Variants in ADAR observed in about 807,000 individuals in gnomAD.
ADAR encodes double-stranded RNA-specific adenosine deaminase.
A neutral mutation model predicts 113.2 loss-of-function variants in ADAR; 41 were observed. The ratio of observed to expected loss-of-function variants is 0.36; its 90% CI spans 0.28 to 0.47. The LOEUF is 0.47. Among genes scored for constraint, ADAR ranks in the 20% least tolerant of loss-of-function variants. ADAR has a pLI of 1.00. For synonymous variants in ADAR, 605 were observed against 572.6 expected, an observed-to-expected ratio of 1.06 and a Z score of -0.81; for missense variants, 1,242 against 1,540.9, an observed-to-expected ratio of 0.81 and a Z score of 3.25.
Position 154,598,431 on chromosome 1 carries a change from GGGATGATTC to G in ADAR, c.1747_1755del (p.Glu583_Ser585del). The G allele has an allele frequency of 6.2e-7, 1 of 1,614,166 alleles. No individual in the cohort carries two copies. Among genetic ancestry groups the G allele is most frequent in the Non-Finnish European group, 8.5e-7 (1 of 1,180,020 alleles). On this transcript the variant is annotated inframe_deletion, in exon 3 of 15. Coordinates refer to ENST00000368474, the MANE Select transcript of ADAR (RefSeq NM_001111.5). ...TCTGATTCTTTCTCTGTGGAATAGTGGGATGATTCTTCTGATTTTCCACTGTCCTTGGCT... is the reference window on the plus strand; with the variant it reads ...TCTGATTCTTTCTCTGTGGAATAGTGTTCTGATTTTCCACTGTCCTTGGCT...
Position 154,601,128 on chromosome 1 carries a change from A to C in ADAR, c.1514T>G (p.Ile505Ser). 6.2e-7 allele frequency: 1 copy of C among 1,614,148 alleles called. No individual in the cohort carries two copies. The highest frequency in any genetic ancestry group is 8.5e-7 in the Non-Finnish European group (1 of 1,180,040). Reference sequence around the variant, plus strand: ...CTGGGCATATTCTAACAGCCCGCTGATGGGGTTCTTCAGCTGGCACTCTGT... The same window carrying C: ...CTGGGCATATTCTAACAGCCCGCTGCTGGGGTTCTTCAGCTGGCACTCTGT... ...KLTECQLKNP[I>S]SGLLEYAQFA... The change falls in exon 2 of 15, where the codon ATC (isoleucine) becomes AGC (serine). Residue 505 changes from isoleucine to serine, a missense_variant. This residue lies in a region of ADAR where 780 missense variants were observed against 1,057.9 expected (regional missense o/e 0.74). Transcript: ENST00000368474. The surrounding 1 kb of genome is among the most constrained non-coding windows in gnomAD (Gnocchi z 4.7).
At chr1:154,588,092 TGAGGA>T in intron 11 of ADAR, 28 bp downstream of exon 11, 1 of 1,612,396 alleles carries the variant, frequency 6.2e-7, no homozygotes, top group Non-Finnish European at 8.5e-7. Context: ...CAGAGCCTTT[TGAGGA>T]AAGGAGGCGG....
At position 154,607,998 on chromosome 1, in the gene ADAR, CG is replaced by C; in HGVS notation, c.8del (p.Pro3ArgfsTer42). 1 of 1,607,226 alleles carries C rather than the reference CG, an allele frequency of 6.2e-7. No individual in the cohort carries two copies. The highest frequency in any genetic ancestry group is 1.7e-5 in the Admixed American group (1 of 59,422). ...CAAGGCCGGCCCGGCTTACCTGCCGCGGATTCATTGCGCCCGCGAGGCATTG... is the reference window on the plus strand; with the variant it reads ...CAAGGCCGGCCCGGCTTACCTGCCGCGATTCATTGCGCCCGCGAGGCATTG... Reference protein sequence around the residue: MNPRQGYSLSGYY... With the variant: MNXRQGYSLSGYY... On this transcript the variant is annotated frameshift_variant, in exon 1 of 15. Coordinates refer to ENST00000368474, the MANE Select transcript of ADAR (RefSeq NM_001111.5). LOFTEE classifies it high-confidence loss of function.
chr1:154,613,904 CAAA>C (rs1553216901), intron 1 of ADAR, among the ~76,000 whole-genome samples: 5 of 124,262 alleles, frequency 4.0e-5, no homozygotes, highest in Middle Eastern at 3.8e-3. Flanking sequence ...AACTCCATCT[CAAA>C]AAAAAAAAAA....
At chr1:154,585,717 GA>G in intron 13 of ADAR, 35 bp downstream of exon 13, 1 of 1,555,176 alleles carries the variant, frequency 6.4e-7, no homozygotes, top group South Asian at 1.1e-5. Flanking sequence ...TGAAAAGGAG[GA>G]AAATGTCAGG....
In ADAR at chr1:154,584,035, A is replaced by G. The variant is rs1303131653; in HGVS notation, c.*771T>C. The G allele has an allele frequency of 6.6e-6, 1 of 152,024 alleles. No homozygotes were observed. 9.4% of individuals were successfully genotyped at this position (152,024 alleles called of 1,614,324 possible). A position where few individuals can be genotyped will look rare whatever the true frequency, so the allele number is the denominator to read the frequency against. ...GGTCTGTGTCATCCTGCCGGGTGAA[A>G]CCTCTGCTATTGCTTGAGCAGCTCC... On this transcript the variant is annotated 3_prime_UTR_variant, in exon 15 of 15. Transcript: ENST00000368474.
intron 1 of ADAR, 133 bp from the exon 2 acceptor site, chr1:154,602,759 T>G: frequency 8.9e-7 from 1 of 1,129,354 alleles, no homozygotes; most frequent in Non-Finnish European, 1.2e-6. Flanking sequence ...GGCTTATGAC[T>G]TGGCTAGGGT....
intron 14 of ADAR, 39 bp from the exon 15 acceptor site, chr1:154,585,082 G>C: frequency 6.2e-7 from 1 of 1,611,932 alleles, no homozygotes; most frequent in Non-Finnish European, 8.5e-7. Flanking sequence ...CCTGGGACCT[G>C]TAAGATAAGG....
Position 154,597,920 on chromosome 1 carries a change from G to C in ADAR, c.1842C>G (p.Ser614Arg), listed in dbSNP as rs1697610483. ...PSATSFFSGK[S>R]PVTTLLECMH... ...TACACTCAAGCAGTGTGGTGACGGG[G>C]CTCTTCCCAGAAAAGAAGGATGTGG... The change falls in exon 4 of 15, where the codon AGC (serine) becomes AGG (arginine). Residue 614 changes from serine (S) to arginine (R), a missense_variant. By Grantham distance (110) the Ser-to-Arg change is moderately radical. Transcript: ENST00000368474. 6.2e-7 allele frequency: 1 copy of C among 1,614,038 alleles called. No individual in the cohort carries two copies. The highest frequency in any genetic ancestry group is 1.3e-5 in the African/African-American group (1 of 74,918).
Position 154,608,010 on chromosome 1 carries a change from G to A in ADAR, c.-4C>T. On this transcript the variant is annotated 5_prime_UTR_variant, in exon 1 of 15. Transcript: ENST00000368474. ...GGCTTACCTGCCGCGGATTCATTGC[G>A]CCCGCGAGGCATTGCCCGGCCCGAC... The A allele has an allele frequency of 6.2e-7, 1 of 1,600,122 alleles. No homozygotes were observed. Among genetic ancestry groups the A allele is most frequent in the Non-Finnish European group, 8.5e-7 (1 of 1,173,448 alleles).
intron 6 of ADAR, among the ~76,000 whole-genome samples, chr1:154,593,374 C>T (rs1407056711): frequency 6.6e-6 from 1 of 152,216 alleles, no homozygotes; most frequent in East Asian, 1.9e-4. Flanking sequence ...CCCCACAGCA[C>T]TCTGCATTCA....
At chr1:154,613,695 G>A (rs1053937631) in intron 1 of ADAR, among the ~76,000 whole-genome samples, 3 of 151,958 alleles carry the variant, frequency 2.0e-5, no homozygotes, top group African/African-American at 2.4e-5. Context: ...ACCTGAGGTC[G>A]GGAGTTCGAG....
At chr1:154,611,713 A>G (rs1452368612), upstream of ADAR, among the ~76,000 whole-genome samples, 1 of 152,184 alleles carries the variant, frequency 6.6e-6, no homozygotes, top group Non-Finnish European at 1.5e-5. Flanking sequence ...AGCTCTTCCT[A>G]TAAAGAATGG....
At chr1:154,605,820 G>C (rs1052381829) in intron 1 of ADAR, among the ~76,000 whole-genome samples, 2 of 151,978 alleles carry the variant, frequency 1.3e-5, no homozygotes, top group Non-Finnish European at 2.9e-5. Context: ...GGGACTTAGG[G>C]GTTCTCCTAT....
intron 10 of ADAR, 142 bp from the exon 11 acceptor site, chr1:154,588,400 T>G (rs1696905522): frequency 6.7e-7 from 1 of 1,482,512 alleles, no homozygotes; most frequent in African/African-American, 1.4e-5. Context: ...GCAGTACATG[T>G]GAGTCATCTA....
Position 154,601,856 on chromosome 1 carries a change from T to A in ADAR, c.786A>T (p.Pro262=). The part of the protein sequence containing the change: ...AWNQHSGVVR[P]DSHSQGSPNS... ...TTGGGGATCCTTGGCTATGACTGTCTGGTCTTACCACTCCGCTGTGCTGGT... is the reference window on the plus strand; with the variant it reads ...TTGGGGATCCTTGGCTATGACTGTCAGGTCTTACCACTCCGCTGTGCTGGT... Residue 262 remains proline, a synonymous_variant, in exon 2 of 15, where the codon CCA becomes CCT. Coordinates refer to ENST00000368474, the MANE Select transcript of ADAR (RefSeq NM_001111.5). This position sits in a 1 kb window ranked among gnomAD's most constrained non-coding sequence, Gnocchi z 4.7. 1 of 1,614,232 alleles carries A rather than the reference T, an allele frequency of 6.2e-7. No homozygotes were observed. The highest frequency in any genetic ancestry group is 8.5e-7 in the Non-Finnish European group (1 of 1,180,040).
chr1:154,588,361 G>C, intron 10 of ADAR, 103 bp from the exon 11 acceptor site: 1 of 1,568,192 alleles, frequency 6.4e-7, no homozygotes, highest in Non-Finnish European at 8.7e-7. Flanking sequence ...TGTTTTCTAA[G>C]GCCTACCATG....
In ADAR at chr1:154,590,305, A is replaced by G; in HGVS notation, c.2375T>C (p.Leu792Ser). ...QEAADAALRV[L>S]IGENEKAERM... ...TTCTGCCTTCTCGTTCTCCCCAATC[A>G]AGACACGGAGAGCCGCATCTGCTGC... The change falls in exon 7 of 15, where the codon TTG (leucine) becomes TCG (serine). Residue 792 changes from leucine to serine, a missense_variant. Leu to Ser is a moderately radical substitution (Grantham distance 145). This residue lies in a region of ADAR where 780 missense variants were observed against 1,057.9 expected (regional missense o/e 0.74). Transcript: ENST00000368474. 6.2e-7 allele frequency: 1 copy of G among 1,613,948 alleles called. No individual in the cohort carries two copies. The highest frequency in any genetic ancestry group is 8.5e-7 in the Non-Finnish European group (1 of 1,179,982).
chr1:154,597,379 A>C (rs1571091663), intron 4 of ADAR, 112 bp from the exon 5 acceptor site: 1 of 1,283,950 alleles, frequency 7.8e-7, no homozygotes. Flanking sequence ...TGAACACATC[A>C]CCTCTGTGCA....
Sources: gnomAD v4.1 joint callset for allele counts (sites outside exome capture counted in the v4.1 genomes callset) on GRCh38, gnomAD v4.1.1 for gene constraint, gnomAD v4.1.1 regional missense constraint, Gnocchi (gnomAD v3.1) non-coding constraint, MANE v1.5 for transcripts, NCBI Gene and HGNC (gene_info 2026-07-23, HGNC 2026-07-21) for gene names.